Variants in PPP2R5D observed in about 807,000 individuals in gnomAD.
PPP2R5D encodes the protein protein phosphatase 2 regulatory subunit B'delta.
In PPP2R5D, 12 loss-of-function variants were observed where a neutral mutation model predicts 79.1. The observed-to-expected ratio is 0.15, with a 90% confidence interval of 0.10 to 0.25. The LOEUF (loss-of-function observed/expected upper bound fraction) is 0.25. Among genes scored for constraint, PPP2R5D ranks in the 10% least tolerant of loss-of-function variants. The pLI is 1.00. For missense variants in PPP2R5D, 419 were observed against 760.2 expected (o/e 0.55, Z 5.28); for synonymous variants, 277 against 286.6 (o/e 0.97, Z 0.34).
In PPP2R5D at chr6:43,011,468, A is replaced by C; in HGVS notation, c.*182A>C. On this transcript the variant is annotated 3_prime_UTR_variant, in exon 16 of 16. Coordinates refer to ENST00000485511, the MANE Select transcript of PPP2R5D (RefSeq NM_006245.4). ...ACAGAATGGTCCCTCTTCTCCCCAA[A>C]AGGTGTTCATGCCTCCCTGTGGCTA... The C allele has an allele frequency of 1.3e-6, 1 of 787,722 alleles. No homozygotes were observed. Among genetic ancestry groups the C allele is most frequent in the Non-Finnish European group, 2.0e-6 (1 of 508,276 alleles). 48.8% of individuals were successfully genotyped at this position (787,722 alleles called of 1,614,324 possible).
Position 43,010,899 on chromosome 6 carries a change from C to G in PPP2R5D, c.1573C>G (p.Pro525Ala), listed in dbSNP as rs767996020. The G allele has an allele frequency of 4.3e-6, 7 of 1,613,912 alleles. No homozygotes were observed. The highest frequency in any genetic ancestry group is 5.9e-6 in the Non-Finnish European group (7 of 1,179,932). ...LNPQYPMFRA[P>A]PPLPPVYSME... Reference sequence around the variant, plus strand: ...CACTCAGTATCCCATGTTCCGAGCCCCTCCACCACTGCCCCCTGTGTACTC... The same window carrying G: ...CACTCAGTATCCCATGTTCCGAGCCGCTCCACCACTGCCCCCTGTGTACTC... The change falls in exon 15 of 16, where the codon CCT becomes GCT. Residue 525 changes from proline to alanine, a missense_variant. By Grantham distance (27) the Pro-to-Ala change is conservative. Transcript: ENST00000485511. The surrounding 1 kb of genome is among the most constrained non-coding windows in gnomAD (Gnocchi z 4.7).
rs1446503204 is a variant in PPP2R5D, at chr6:42,984,594, G to A, written c.-84G>A. ...CGCAGCGCGCAGGCGGTGGCGAAGA[G>A]ACGCCGAGCGGGCCGAGTGCGGCCG... On this transcript the variant is annotated 5_prime_UTR_variant, in exon 1 of 16. Coordinates refer to ENST00000485511, the MANE Select transcript of PPP2R5D (RefSeq NM_006245.4). The A allele has an allele frequency of 4.0e-6, 6 of 1,501,092 alleles. No individual in the cohort carries two copies. The highest frequency in any genetic ancestry group is 1.4e-5 in the African/African-American group (1 of 69,220). The allele number at this position is 1,501,092 out of a possible 1,614,324, so 93.0% of individuals were successfully genotyped here. A position where few individuals can be genotyped will look rare whatever the true frequency, so the allele number is the denominator to read the frequency against.
intron 2 of PPP2R5D, among the ~76,000 whole-genome samples, chr6:43,005,463 C>G (rs1280367236): frequency 6.6e-6 from 1 of 152,060 alleles, no homozygotes; most frequent in African/African-American, 2.4e-5. Flanking sequence ...GCCACCACAC[C>G]TGGCTAATTA....
At chr6:43,000,345 C>G (rs1772095564) in intron 2 of PPP2R5D, among the ~76,000 whole-genome samples, 1 of 148,894 alleles carries the variant, frequency 6.7e-6, no homozygotes, top group South Asian at 2.1e-4. Context: ...TCAAGCAATT[C>G]TCCCATCTCA....
chr6:43,006,369 C>T lies in PPP2R5D; in HGVS notation c.106-94C>T. ...AGGAGACAGCTGCTCACTGCCCAGG[C>T]CTGTGCAGGCATAAACAGACTTGGG... On this transcript the variant is annotated intron_variant, in intron 2 of 15. Coordinates refer to ENST00000485511, the MANE Select transcript of PPP2R5D (RefSeq NM_006245.4). The surrounding 1 kb of genome is among the most constrained non-coding windows in gnomAD (Gnocchi z 4.7). The T allele has an allele frequency of 1.3e-6, 2 of 1,515,758 alleles. No homozygotes were observed. The highest frequency in any genetic ancestry group is 1.8e-6 in the Non-Finnish European group (2 of 1,131,030). 93.9% of individuals were successfully genotyped at this position (1,515,758 alleles called of 1,614,324 possible).
At chr6:42,989,384 A>G (rs956152723) in intron 1 of PPP2R5D, among the ~76,000 whole-genome samples, 2 of 152,188 alleles carry the variant, frequency 1.3e-5, no homozygotes, top group Admixed American at 6.5e-5. Flanking sequence ...CTCACGCTGA[A>G]TTAGTGTGTG....
chr6:43,000,689 G>A (rs770244806), intron 2 of PPP2R5D, among the ~76,000 whole-genome samples: 2 of 152,210 alleles, frequency 1.3e-5, no homozygotes, highest in Non-Finnish European at 2.9e-5. Flanking sequence ...TTGTCAGGTT[G>A]GCACTGAGCC....
intron 2 of PPP2R5D, among the ~76,000 whole-genome samples, chr6:42,998,753 G>A (rs888496784): frequency 6.6e-6 from 1 of 151,956 alleles, no homozygotes; most frequent in Non-Finnish European, 1.5e-5. Context: ...CAGAAAAGTA[G>A]GCCAGGCACG....
At position 43,009,854 on chromosome 6, in the gene PPP2R5D, GGT is replaced by G. The variant is rs1404099849; in HGVS notation, c.1379+406_1379+407del. On this transcript the variant is annotated intron_variant, in intron 12 of 15. Transcript: ENST00000485511. The surrounding 1 kb of genome is among the most constrained non-coding windows in gnomAD (Gnocchi z 5.6). Reference sequence around the variant, plus strand: ...GGCTGGCAAGGCGGGTGGATCACGAGGTCAGGAGTTTGAGACCAGCCTGCCCA... The same window carrying G: ...GGCTGGCAAGGCGGGTGGATCACGAGCAGGAGTTTGAGACCAGCCTGCCCA... Among the ~76,000 whole-genome samples, 1 of 152,264 alleles carries G rather than the reference GGT, an allele frequency of 6.6e-6. No individual in the cohort carries two copies. The highest frequency in any genetic ancestry group is 2.4e-5 in the African/African-American group (1 of 41,554).
At position 43,007,452 on chromosome 6, in the gene PPP2R5D, T is replaced by C. The variant is rs781513901; in HGVS notation, c.672T>C (p.Pro224=). 14 of 1,613,904 alleles carry C rather than the reference T, an allele frequency of 8.7e-6. No homozygotes were observed. The highest frequency in any genetic ancestry group is 1.2e-5 in the Non-Finnish European group (14 of 1,179,758). Residue 224 remains proline (P), a synonymous_variant, in exon 6 of 16, where the codon CCT becomes CCC. Transcript: ENST00000485511. This position sits in a 1 kb window ranked among gnomAD's most constrained non-coding sequence, Gnocchi z 4.5. ...TCTTCTTACGTTTCCTTGAGTCTCC[T>C]GATTTCCAGCCAAACATAGCCAAGA... ...YEFFLRFLES[P]DFQPNIAKKY... is the part of the protein sequence containing the mutation.
At chr6:43,001,726 T>C (rs2150270214) in intron 2 of PPP2R5D, among the ~76,000 whole-genome samples, 1 of 151,864 alleles carries the variant, frequency 6.6e-6, no homozygotes, top group African/African-American at 2.4e-5. Flanking sequence ...CTACTAAAAA[T>C]ACGACAAAAA....
intron 2 of PPP2R5D, among the ~76,000 whole-genome samples, chr6:42,999,215 T>C (rs1226794726): frequency 6.6e-6 from 1 of 152,196 alleles, no homozygotes; most frequent in Non-Finnish European, 1.5e-5. Context: ...AGTTAGTGGC[T>C]GGGGCTTTTA....
chr6:42,988,507 A>C (rs1053350308), intron 1 of PPP2R5D, among the ~76,000 whole-genome samples: 2 of 152,228 alleles, frequency 1.3e-5, no homozygotes, highest in African/African-American at 4.8e-5. Context: ...AGTTGCATCC[A>C]AGGCATCCAA....
chr6:42,991,427 T>G (rs1771256354), intron 2 of PPP2R5D, among the ~76,000 whole-genome samples: 1 of 152,240 alleles, frequency 6.6e-6, no homozygotes, highest in Non-Finnish European at 1.5e-5. Context: ...CAGCCTTCTT[T>G]GACCACCCAC....
rs1762140830 is a variant in PPP2R5D at position 43,007,358 on chromosome 6, G to T, written c.633+52G>T. ...CGTGGCTGCAGGGAGTGGGGCACTT[G>T]GAGGCCTGCAAGTCCTTGGGAACAT... On this transcript the variant is annotated intron_variant, in intron 5 of 15. Coordinates refer to ENST00000485511, the MANE Select transcript of PPP2R5D (RefSeq NM_006245.4). The surrounding 1 kb of genome is among the most constrained non-coding windows in gnomAD (Gnocchi z 4.5). The T allele has an allele frequency of 1.9e-6, 3 of 1,605,666 alleles. No homozygotes were observed. The East Asian group carries it at 6.7e-5, about 36-fold the overall frequency.
intron 1 of PPP2R5D, among the ~76,000 whole-genome samples, chr6:42,985,459 A>G (rs1219087645): frequency 6.6e-6 from 1 of 152,216 alleles, no homozygotes; most frequent in African/African-American, 2.4e-5. Flanking sequence ...GCCCAGCTGC[A>G]ATATCAGGTC....
At position 43,010,934 on chromosome 6, in the gene PPP2R5D, A is replaced by G. The variant is rs776194666; in HGVS notation, c.1608A>G (p.Thr536=). ...PPLPPVYSME[T]ETPTAEDIQL... ...TGCCCCCTGTGTACTCGATGGAGAC[A>G]GAGACCCCCACAGCTGAGGACATCC... Residue 536 remains threonine, a synonymous_variant, in exon 15 of 16, where the codon ACA becomes ACG. Coordinates refer to ENST00000485511, the MANE Select transcript of PPP2R5D (RefSeq NM_006245.4). The surrounding 1 kb of genome is among the most constrained non-coding windows in gnomAD (Gnocchi z 4.7). 4 of 1,614,212 alleles carry G rather than the reference A, an allele frequency of 2.5e-6. No individual in the cohort carries two copies. Among genetic ancestry groups the G allele is most frequent in the Admixed American group, 1.7e-5 (1 of 60,018 alleles).
chr6:43,008,352 TC>T lies in PPP2R5D; in HGVS notation c.918-12del. ...TCTGACCCTCTGGTCCTAACAAATGTCCCTTAATTCCTAGCATCATCAATGG... is the reference window on the plus strand; with the variant it reads ...TCTGACCCTCTGGTCCTAACAAATGTCCTTAATTCCTAGCATCATCAATGG... On this transcript the variant is annotated splice_polypyrimidine_tract_variant and intron_variant, in intron 8 of 15. Transcript: ENST00000485511. The surrounding 1 kb of genome is among the most constrained non-coding windows in gnomAD (Gnocchi z 4.2). 1 of 1,613,368 alleles carries T rather than the reference TC, an allele frequency of 6.2e-7. No homozygotes were observed.
intron 2 of PPP2R5D, among the ~76,000 whole-genome samples, chr6:42,998,637 C>T (rs1311736985): frequency 6.6e-6 from 1 of 152,158 alleles, no homozygotes; most frequent in Admixed American, 6.6e-5. Flanking sequence ...GTGGCTCACA[C>T]CTGTAATCCC....
Sources: gnomAD v4.1 joint callset for allele counts (sites outside exome capture counted in the v4.1 genomes callset) on GRCh38, gnomAD v4.1.1 for gene constraint, Gnocchi (gnomAD v3.1) non-coding constraint, MANE v1.5 for transcripts, NCBI Gene and HGNC (gene_info 2026-07-23, HGNC 2026-07-21) for gene names.